Variants in RFX6 observed in about 807,000 individuals in gnomAD.
RFX6 encodes the protein regulatory factor X6.
A neutral mutation model predicts 110.8 loss-of-function variants in RFX6; 50 were observed. That is an observed-to-expected ratio of 0.45 (90% CI 0.36 to 0.57). The LOEUF is 0.57. RFX6 is among the 20% of genes least tolerant of loss of function. RFX6 has a pLI of 0.00. For synonymous variants in RFX6, 383 were observed against 411.2 expected, an observed-to-expected ratio of 0.93 and a Z score of 0.83; for missense variants, 990 against 1,127.0, an observed-to-expected ratio of 0.88 and a Z score of 1.74.
At chr6:116,911,382 CATTTT>C (rs1439896948) in intron 7 of RFX6, among the ~76,000 whole-genome samples, 10 of 152,072 alleles carry the variant, frequency 6.6e-5, no homozygotes, top group African/African-American at 2.2e-4. Flanking sequence ...CAATTATCTC[CATTTT>C]ATTTCAGCAA....
intron 18 of RFX6, among the ~76,000 whole-genome samples, chr6:116,929,727 A>G (rs1483435035): frequency 6.6e-6 from 1 of 152,234 alleles, no homozygotes; most frequent in Non-Finnish European, 1.5e-5. Context: ...ATATTCACTA[A>G]GTATCAAAGC....
At chr6:116,890,388 A>G (rs535753325) in intron 4 of RFX6, among the ~76,000 whole-genome samples, 1 of 152,220 alleles carries the variant, frequency 6.6e-6, no homozygotes, top group Non-Finnish European at 1.5e-5. Flanking sequence ...ATGGTAGCAA[A>G]TATTAATTTG....
At chr6:116,930,635 T>G (rs1775862576) in intron 18 of RFX6, among the ~76,000 whole-genome samples, 1 of 151,808 alleles carries the variant, frequency 6.6e-6, no homozygotes, top group Non-Finnish European at 1.5e-5. Flanking sequence ...GAAAGCTGAG[T>G]GATGAGAAGG....
At chr6:116,917,003 C>T (rs1775482544) in intron 9 of RFX6, among the ~76,000 whole-genome samples, 1 of 152,074 alleles carries the variant, frequency 6.6e-6, no homozygotes, top group Non-Finnish European at 1.5e-5. Context: ...CAAAAGCTTT[C>T]CTTTTAAAAA....
At position 116,931,694 on chromosome 6, in the gene RFX6, C is replaced by T. The variant is rs62424463; in HGVS notation, c.*188C>T. ...ATACTTGCAGAGCTTGTCATGCACA[C>T]TAAGAGTTTAAAATGTGAGCTCATT... On this transcript the variant is annotated 3_prime_UTR_variant, in exon 19 of 19. Coordinates refer to ENST00000332958, the MANE Select transcript of RFX6 (RefSeq NM_173560.4). The T allele has an allele frequency of 7.3e-6, 4 of 547,370 alleles. No individual in the cohort carries two copies. In the East Asian group the frequency reaches 8.8e-5, roughly 12 times the overall value. The allele number at this position is 547,370 out of a possible 1,614,324, so 33.9% of individuals were successfully genotyped here. A position where few individuals can be genotyped will look rare whatever the true frequency, so the allele number is the denominator to read the frequency against.
chr6:116,918,097 T>A lies in RFX6; in HGVS notation c.1022+11T>A. On this transcript the variant is annotated intron_variant, in intron 10 of 18. Coordinates refer to ENST00000332958, the MANE Select transcript of RFX6 (RefSeq NM_173560.4). ...AGAAATGCCTGAAAGGTATGTTCAG[T>A]TAATAAAACATGAGCATTCCTAGTA... The A allele has an allele frequency of 6.3e-7, 1 of 1,583,884 alleles. No homozygotes were observed. Among genetic ancestry groups the A allele is most frequent in the Non-Finnish European group, 8.7e-7 (1 of 1,154,430 alleles).
intron 6 of RFX6, among the ~76,000 whole-genome samples, chr6:116,898,675 C>T (rs1488583189): frequency 2.6e-5 from 4 of 152,088 alleles, no homozygotes; most frequent in Non-Finnish European, 5.9e-5. Flanking sequence ...TCCACTAAAA[C>T]TGAAAAGAGA....
At chr6:116,877,567 T>TA in intron 1 of RFX6, 69 bp downstream of exon 1, 1 of 1,204,644 alleles carries the variant, frequency 8.3e-7, no homozygotes, top group South Asian at 1.5e-5. Flanking sequence ...CACCCAATAA[T>TA]AATAATGCAT....
At chr6:116,891,377 A>C (rs1774828206) in intron 4 of RFX6, among the ~76,000 whole-genome samples, 1 of 152,234 alleles carries the variant, frequency 6.6e-6, no homozygotes, top group Admixed American at 6.5e-5. Flanking sequence ...AAAGAGGATT[A>C]GAGTTGAGAA....
intron 4 of RFX6, among the ~76,000 whole-genome samples, chr6:116,889,446 A>G (rs1774772924): frequency 6.6e-6 from 1 of 152,110 alleles, no homozygotes; most frequent in African/African-American, 2.4e-5. Context: ...CAATGATACA[A>G]GGACAGAGCT....
At chr6:116,884,226 T>C (rs147983828) in intron 4 of RFX6, among the ~76,000 whole-genome samples, 28 of 152,280 alleles carry the variant, frequency 1.8e-4, no homozygotes, top group Non-Finnish European at 3.7e-4. Context: ...TGATTTATTG[T>C]AGGTCCCTTC....
chr6:116,899,059 G>A (rs767808729), intron 6 of RFX6, among the ~76,000 whole-genome samples: 7 of 152,170 alleles, frequency 4.6e-5, no homozygotes, highest in Admixed American at 1.3e-4. Flanking sequence ...GGTAGCAACA[G>A]TCTTTGTGGA....
At chr6:116,905,911 AT>A (rs922881501) in intron 6 of RFX6, among the ~76,000 whole-genome samples, 3 of 151,812 alleles carry the variant, frequency 2.0e-5, no homozygotes, top group African/African-American at 2.4e-5. Context: ...CCTATATAAA[AT>A]TTTTTTTCCA....
rs1308678291 is a variant in RFX6, at chr6:116,877,430, A to C, written c.155A>C (p.Gln52Pro). The C allele has an allele frequency of 4.4e-6, 7 of 1,596,566 alleles. No homozygotes were observed. In the Middle Eastern group the frequency reaches 6.6e-4, roughly 151 times the overall value. Residue 52 changes from glutamine to proline, a missense_variant, in exon 1 of 19, where the codon CAG (glutamine) becomes CCG (proline). Around this residue, in one of 5 missense-constraint regions of RFX6, gnomAD observed 175 missense variants for 162.3 expected, o/e 1.08. Transcript: ENST00000332958. ...ACAGTGTACCTGGCGGCCGAAGGGC[A>C]GCCCGGGGGCGAGCAGGGCGGCGGG... ...EETVYLAAEG[Q>P]PGGEQGGGEK... is the part of the protein sequence containing the mutation.
In RFX6 at chr6:116,923,037, A is replaced by G. The variant is rs1775634912; in HGVS notation, c.1438-70A>G. 9.8e-6 allele frequency: 8 copies of G among 812,624 alleles called. No homozygotes were observed. The African/African-American group carries it at 1.0e-4, about 10-fold the overall frequency. 50.3% of individuals were successfully genotyped at this position (812,624 alleles called of 1,614,324 possible). A position where few individuals can be genotyped will look rare whatever the true frequency, so the allele number is the denominator to read the frequency against. ...TGTTAGACAGTCTATTTACTTCTTG[A>G]TCTAACACAGGATGCATGTAGTACT... is the stretch of plus-strand genomic sequence containing the variant. On this transcript the variant is annotated intron_variant, in intron 13 of 18. Coordinates refer to ENST00000332958, the MANE Select transcript of RFX6 (RefSeq NM_173560.4).
Position 116,890,182 on chromosome 6 carries a change from T to C in RFX6, c.567-3805T>C, listed in dbSNP as rs552674885. On this transcript the variant is annotated intron_variant, in intron 4 of 18. Transcript: ENST00000332958. ...CAATATGGTTTGTGGAATCATGGGT[T>C]TAAATTTTGCCTTCAAACCCATAAC... Among the ~76,000 whole-genome samples the C allele has an allele frequency of 2.0e-5, 3 of 152,228 alleles. No individual in the cohort carries two copies. The South Asian group carries it at 6.2e-4, about 32-fold the overall frequency.
At chr6:116,928,124 C>T (rs899159653) in intron 17 of RFX6, among the ~76,000 whole-genome samples, 7 of 151,460 alleles carry the variant, frequency 4.6e-5, no homozygotes, top group Non-Finnish European at 7.4e-5. Flanking sequence ...TGAGACCTAC[C>T]TTAATAGCCC....
chr6:116,880,305 G>T (rs1774559946), intron 2 of RFX6, among the ~76,000 whole-genome samples: 1 of 152,010 alleles, frequency 6.6e-6, no homozygotes, highest in Non-Finnish European at 1.5e-5. Context: ...ACCAGGCATG[G>T]TTTTATGTTA....
At chr6:116,916,864 A>C (rs935031056) in intron 9 of RFX6, among the ~76,000 whole-genome samples, 6 of 152,146 alleles carry the variant, frequency 3.9e-5, no homozygotes, top group Admixed American at 3.9e-4. Context: ...AGACAGAAAG[A>C]GGCTAATTCT....
Sources: allele counts gnomAD v4.1 joint callset (sites outside exome capture counted in the v4.1 genomes callset), GRCh38; gene constraint gnomAD v4.1.1; regional missense constraint gnomAD v4.1.1; transcripts MANE v1.5; gene names NCBI Gene and HGNC (gene_info 2026-07-23, HGNC 2026-07-21).